The following ARHGEF4 variants were observed in gnomAD, a reference collection of about 807,000 sequenced individuals.
ARHGEF4 encodes Rho guanine nucleotide exchange factor 4.
In ARHGEF4, 119 loss-of-function variants were observed where a neutral mutation model predicts 162.0. The ratio of observed to expected loss-of-function variants is 0.73; its 90% CI spans 0.63 to 0.86. ARHGEF4 has a LOEUF of 0.86. Among genes scored for constraint, ARHGEF4 ranks in the 40% least tolerant of loss-of-function variants. The pLI, the probability that ARHGEF4 is intolerant of heterozygous loss-of-function variation, is 0.00. For synonymous variants in ARHGEF4, 1,014 were observed against 979.9 expected, an observed-to-expected ratio of 1.03 and a Z score of -0.65; for missense variants, 2,488 against 2,456.0, an observed-to-expected ratio of 1.01 and a Z score of -0.28.
chr2:130,992,388 C>T (rs187886697), intron 4 of ARHGEF4, among the ~76,000 whole-genome samples: 2,143 of 145,250 alleles, frequency 0.015, 59 homozygotes, highest in African/African-American at 0.05. Context: ...AGAGCTGTAA[C>T]GCTCACCGCG....
In ARHGEF4 at chr2:130,892,665, G is replaced by A. The variant is rs900038052; in HGVS notation, c.40-21321G>A. On this transcript the variant is annotated intron_variant, in intron 1 of 13. Transcript: ENST00000409359. ...TGGCAGGCTGAGGACTACAGCCAGG[G>A]TGGAGCCCACAGCCAGGGTGGAGCC... Among the ~76,000 whole-genome samples, 9 of 152,242 alleles carry A rather than the reference G, an allele frequency of 5.9e-5. No homozygotes were observed. The East Asian group carries it at 1.2e-3, about 20-fold the overall frequency.
intron 4 of ARHGEF4, among the ~76,000 whole-genome samples, chr2:131,020,935 G>C (rs1185827764): frequency 6.6e-6 from 1 of 152,130 alleles, no homozygotes. Context: ...TTCTCTGATG[G>C]CCAGTGATGA....
intron 1 of ARHGEF4, among the ~76,000 whole-genome samples, chr2:130,865,712 G>T (rs1029282275): frequency 7.1e-6 from 1 of 141,410 alleles, no homozygotes; most frequent in African/African-American, 3.1e-5. Flanking sequence ...GGTTTTGTTT[G>T]TTTGTTTGTT....
At chr2:131,013,147 C>T (rs929991072) in intron 4 of ARHGEF4, among the ~76,000 whole-genome samples, 1 of 151,808 alleles carries the variant, frequency 6.6e-6, no homozygotes, top group African/African-American at 2.4e-5. Context: ...GCACAGGGCA[C>T]GCCGCAGTGT....
intron 4 of ARHGEF4, among the ~76,000 whole-genome samples, chr2:131,007,477 A>G (rs1481194960): frequency 6.6e-6 from 1 of 152,000 alleles, no homozygotes; most frequent in African/African-American, 2.4e-5. Context: ...TTCATTCTTC[A>G]CAGATATTAT....
chr2:130,914,805 C>T lies in ARHGEF4; in HGVS notation c.859C>T (p.Gln287Ter). ...AGGGGACACAGAATTGCTCTGGTCCCAGCCCCACTCGGATGTCCCCTGCCA... is the reference window on the plus strand; with the variant it reads ...AGGGGACACAGAATTGCTCTGGTCCTAGCCCCACTCGGATGTCCCCTGCCA... ...PAGDTELLWS[Q>*]PHSDVPCQPP... The change falls in exon 2 of 14, where the codon CAG (glutamine) becomes TAG (stop). Residue 287 changes from glutamine to a stop codon, truncating the protein, a stop_gained. Coordinates refer to ENST00000409359, the MANE Select transcript of ARHGEF4 (RefSeq NM_001367493.1). LOFTEE classifies it high-confidence loss of function. 6.9e-7 allele frequency: 1 copy of T among 1,448,432 alleles called. No individual in the cohort carries two copies. Among genetic ancestry groups the T allele is most frequent in the Non-Finnish European group, 9.1e-7 (1 of 1,104,426 alleles). 89.7% of individuals were successfully genotyped at this position (1,448,432 alleles called of 1,614,324 possible). A position where few individuals can be genotyped will look rare whatever the true frequency, so the allele number is the denominator to read the frequency against.
intron 4 of ARHGEF4, among the ~76,000 whole-genome samples, chr2:131,009,457 T>C (rs994949727): frequency 3.3e-5 from 5 of 152,180 alleles, no homozygotes; most frequent in Admixed American, 6.6e-5. Flanking sequence ...GTCTTCAGAA[T>C]TGTTTCTGCT....
At chr2:130,868,310 C>T (rs1326805302) in intron 1 of ARHGEF4, among the ~76,000 whole-genome samples, 1 of 152,042 alleles carries the variant, frequency 6.6e-6, no homozygotes, top group African/African-American at 2.4e-5. Context: ...TCTTACAAGG[C>T]TGTGGTCAAG....
In ARHGEF4 at chr2:130,931,212, C is replaced by G. The variant is rs376208636; in HGVS notation, c.3813C>G (p.Val1271=). 1 of 1,613,540 alleles carries G rather than the reference C, an allele frequency of 6.2e-7. No individual in the cohort carries two copies. The highest frequency in any genetic ancestry group is 8.5e-7 in the Non-Finnish European group (1 of 1,179,744). Residue 1271 remains valine, a synonymous_variant, in exon 3 of 14, where the codon GTC becomes GTG. Transcript: ENST00000409359. ...AGAAGTTGCAGAAGCAGGCCCACGT[C>G]GAAAGGAGGCTGCACATAGGGGCAG... ...QRKKLQKQAH[V]ERRLHIGAVH...
intron 4 of ARHGEF4, among the ~76,000 whole-genome samples, chr2:130,959,664 AT>A (rs1258532294): frequency 3.3e-5 from 5 of 152,202 alleles, no homozygotes; most frequent in Non-Finnish European, 7.3e-5. Flanking sequence ...CCTCACAATA[AT>A]CCTGCAAAAG....
intron 1 of ARHGEF4, among the ~76,000 whole-genome samples, chr2:130,911,680 AT>A (rs879380481): frequency 2.1e-3 from 315 of 152,052 alleles, no homozygotes; most frequent in Non-Finnish European, 3.5e-3. Flanking sequence ...GTCATCTTAG[AT>A]TTTTTTTCCC....
In ARHGEF4 at chr2:130,934,334, T is replaced by C. The variant is rs145194545; in HGVS notation, c.3858+3077T>C. ...TTATAGAATGAGTTAGGAAGTGCTC[T>C]CTCCTCTTCTATTTTTTGAAAGCAT... On this transcript the variant is annotated intron_variant, in intron 3 of 13. Coordinates refer to ENST00000409359, the MANE Select transcript of ARHGEF4 (RefSeq NM_001367493.1). 2.1e-3 allele frequency among the ~76,000 whole-genome samples: 318 copies of C among 152,340 alleles called. 3 individuals are homozygous for C. Among genetic ancestry groups the C allele is most frequent in the African/African-American group, 7.3e-3 (302 of 41,580 alleles).
At chr2:130,872,602 C>G (rs1045292004) in intron 1 of ARHGEF4, among the ~76,000 whole-genome samples, 1 of 152,268 alleles carries the variant, frequency 6.6e-6, no homozygotes, top group East Asian at 1.9e-4. Flanking sequence ...CTGGCAAGTT[C>G]TTTTGTCTGA....
chr2:130,987,031 G>A (rs1686557392), intron 4 of ARHGEF4, among the ~76,000 whole-genome samples: 1 of 152,216 alleles, frequency 6.6e-6, no homozygotes, highest in Admixed American at 6.5e-5. Flanking sequence ...CCGTGGTCCT[G>A]CAGCAGCCTC....
At chr2:130,877,636 C>T (rs1014772518) in intron 1 of ARHGEF4, among the ~76,000 whole-genome samples, 1 of 152,038 alleles carries the variant, frequency 6.6e-6, no homozygotes, top group African/African-American at 2.4e-5. Context: ...GGTGACAGAC[C>T]GAGACTCTGT....
At chr2:131,036,380 G>A (rs763177294) in intron 5 of ARHGEF4, among the ~76,000 whole-genome samples, 4 of 152,258 alleles carry the variant, frequency 2.6e-5, no homozygotes, top group Admixed American at 2.0e-4. Flanking sequence ...CACAGGAGGA[G>A]AGCTTGCTCA....
At chr2:130,876,147 C>G (rs1204784896) in intron 1 of ARHGEF4, among the ~76,000 whole-genome samples, 2 of 152,206 alleles carry the variant, frequency 1.3e-5, no homozygotes, top group African/African-American at 2.4e-5. Context: ...AGGTGATTCC[C>G]TCCATGTGTC....
chr2:130,854,174 A>G (rs570086437), intron 1 of ARHGEF4, among the ~76,000 whole-genome samples: 1 of 152,358 alleles, frequency 6.6e-6, no homozygotes, highest in East Asian at 1.9e-4. Flanking sequence ...CAGAATGATT[A>G]ATTACATCAT....
intron 4 of ARHGEF4, among the ~76,000 whole-genome samples, chr2:130,992,319 C>G (rs939469235): frequency 7.2e-5 from 11 of 152,124 alleles, no homozygotes; most frequent in Non-Finnish European, 5.9e-5. Flanking sequence ...AAGCTTTATT[C>G]TTTCGCTCTT....
Sources: allele counts gnomAD v4.1 joint callset (sites outside exome capture counted in the v4.1 genomes callset), GRCh38; gene constraint gnomAD v4.1.1; transcripts MANE v1.5; gene names NCBI Gene and HGNC (gene_info 2026-07-23, HGNC 2026-07-21).